Variants in NPTX2 observed in about 807,000 individuals in gnomAD.
NPTX2 encodes the protein neuronal pentraxin 2, also known as neuronal pentraxin-2.
Under a neutral mutation model 38.1 loss-of-function variants are expected in NPTX2, and 23 were observed. The observed-to-expected ratio is 0.60, with a 90% confidence interval of 0.43 to 0.85. The LOEUF (loss-of-function observed/expected upper bound fraction) is 0.85. NPTX2 is among the 40% of genes least tolerant of loss of function. The pLI, the probability that NPTX2 is intolerant of heterozygous loss-of-function variation, is 0.00. For missense variants in NPTX2, 553 were observed against 615.3 expected (o/e 0.90, Z 1.07); for synonymous variants, 291 against 287.3 (o/e 1.01, Z -0.13).
intron 2 of NPTX2, among the ~76,000 whole-genome samples, chr7:98,624,426 T>C (rs894447874): frequency 8.5e-5 from 13 of 152,186 alleles, no homozygotes; most frequent in Non-Finnish European, 1.5e-5. Context: ...TCAAGAGGCC[T>C]CTTTTCCTGT....
At position 98,617,332 on chromosome 7, in the gene NPTX2, T is replaced by A. The variant is rs953868980; in HGVS notation, c.-130T>A. On this transcript the variant is annotated 5_prime_UTR_variant, in exon 1 of 5. Transcript: ENST00000265634. ...GTGCGGCTGTGAGACGGCAGGAGAC[T>A]TCTGCCCCGCGGTGCACGCGACCCT... 4 of 291,692 alleles carry A rather than the reference T, an allele frequency of 1.4e-5. No homozygotes were observed. The highest frequency in any genetic ancestry group is 2.2e-5 in the African/African-American group (1 of 44,950). 18.1% of individuals were successfully genotyped at this position (291,692 alleles called of 1,614,324 possible).
Position 98,617,531 on chromosome 7 carries a change from G to C in NPTX2, c.70G>C (p.Gly24Arg), listed in dbSNP as rs1384180858. Residue 24 changes from glycine to arginine, a missense_variant, in exon 1 of 5, where the codon GGT becomes CGT. Physicochemically the swap from Gly to Arg is moderately radical, Grantham distance 125. Transcript: ENST00000265634. ...AAGAQDSPAP[G>R]SRFVCTALPP... ...TGGGGCCCAGGACAGCCCGGCGCCC[G>C]GTAGCCGCTTCGTGTGCACGGCACT... 4.9e-6 allele frequency: 7 copies of C among 1,415,862 alleles called. No homozygotes were observed. The highest frequency in any genetic ancestry group is 5.5e-6 in the Non-Finnish European group (6 of 1,088,082). The allele number at this position is 1,415,862 out of a possible 1,614,324, so 87.7% of individuals were successfully genotyped here. A position where few individuals can be genotyped will look rare whatever the true frequency, so the allele number is the denominator to read the frequency against.
At chr7:98,618,041 C>T (rs1316031104) in intron 1 of NPTX2, among the ~76,000 whole-genome samples, 154 bp downstream of exon 1, 1 of 152,176 alleles carries the variant, frequency 6.6e-6, no homozygotes, top group African/African-American at 2.4e-5. Flanking sequence ...AGGCGGGGAT[C>T]TAGATCCTGC....
At chr7:98,626,985 T>C (rs1161708811) in intron 3 of NPTX2, among the ~76,000 whole-genome samples, 180 bp from the exon 4 acceptor site, 1 of 152,190 alleles carries the variant, frequency 6.6e-6, no homozygotes, top group Non-Finnish European at 1.5e-5. Flanking sequence ...ATGTGAGGGC[T>C]GCTCTGGGGT....
chr7:98,624,090 G>A (rs949262015), intron 2 of NPTX2, among the ~76,000 whole-genome samples: 1 of 152,102 alleles, frequency 6.6e-6, no homozygotes, highest in African/African-American at 2.4e-5. Flanking sequence ...CTGAGTAGGT[G>A]GAACCACAGG....
At chr7:98,618,536 G>A (rs1423921414) in intron 1 of NPTX2, among the ~76,000 whole-genome samples, 1 of 147,132 alleles carries the variant, frequency 6.8e-6, no homozygotes, top group Admixed American at 6.7e-5. Flanking sequence ...TTGCTTCAGG[G>A]GAAGGGACCT....
chr7:98,625,279 A>T, intron 3 of NPTX2, 113 bp downstream of exon 3: 1 of 1,368,638 alleles, frequency 7.3e-7, no homozygotes, highest in Non-Finnish European at 9.9e-7. Context: ...AGTGTCCCAG[A>T]CATGGGACTG....
chr7:98,617,894 G>A lies in NPTX2; in HGVS notation c.426+7G>A, dbSNP rs1205614000. On this transcript the variant is annotated splice_region_variant and intron_variant, in intron 1 of 4. Transcript: ENST00000265634. ...CCGCCTGGAGAGCCTCGAGGTAGCG[G>A]CCCGCGGGGAGCGCGGGGGACCTGG... 6.5e-7 allele frequency: 1 copy of A among 1,548,082 alleles called. No individual in the cohort carries two copies. Among genetic ancestry groups the A allele is most frequent in the Admixed American group, 1.9e-5 (1 of 52,174 alleles).
rs772358770 is a variant in NPTX2, at chr7:98,625,081, TCTC to T, written c.806_808del (p.Ser269del). 1.9e-6 allele frequency: 3 copies of T among 1,612,896 alleles called. No homozygotes were observed. Among genetic ancestry groups the T allele is most frequent in the South Asian group, 1.1e-5 (1 of 91,080 alleles). ...GCCTCACCAGGCATTGGCACCCCCT[TCTC>T]CTATGCGGTGCCAGGGCAGGCCAAC... On this transcript the variant is annotated inframe_deletion, in exon 3 of 5. Coordinates refer to ENST00000265634, the MANE Select transcript of NPTX2 (RefSeq NM_002523.3).
Position 98,619,733 on chromosome 7 carries a change from C to G in NPTX2, c.517C>G (p.Leu173Val), listed in dbSNP as rs1440706929. The change falls in exon 2 of 5, where the codon CTT (leucine) becomes GTT (valine). Residue 173 changes from leucine (L) to valine (V), a missense_variant. Coordinates refer to ENST00000265634, the MANE Select transcript of NPTX2 (RefSeq NM_002523.3). ...QQRLGELERQ[L>V]LRKVAELEDE... The stretch of plus-strand genomic sequence containing the variant: ...GCGGCTGGGGGAGCTGGAGAGGCAG[C>G]TTCTGCGCAAGGTGGCAGAGCTGGA... 2 of 1,613,298 alleles carry G rather than the reference C, an allele frequency of 1.2e-6. No homozygotes were observed. The highest frequency in any genetic ancestry group is 2.2e-5 in the South Asian group (2 of 91,080).
intron 4 of NPTX2, among the ~76,000 whole-genome samples, chr7:98,627,663 A>T (rs1390009263): frequency 1.3e-5 from 2 of 152,178 alleles, no homozygotes; most frequent in African/African-American, 4.8e-5. Context: ...AGAACCTGGC[A>T]CAGAGGGGTG....
intron 4 of NPTX2, among the ~76,000 whole-genome samples, chr7:98,628,135 C>T (rs1166606599): frequency 1.3e-5 from 2 of 152,132 alleles, no homozygotes; most frequent in Non-Finnish European, 2.9e-5. Context: ...GGCTGGGAGT[C>T]ATGAGACCTG....
chr7:98,627,935 A>G (rs904092843), intron 4 of NPTX2, among the ~76,000 whole-genome samples: 10 of 152,136 alleles, frequency 6.6e-5, no homozygotes, highest in Non-Finnish European at 1.3e-4. Context: ...GAAACTTACC[A>G]TCTAGGGGAG....
Position 98,617,754 on chromosome 7 carries a change from C to T in NPTX2, c.293C>T (p.Ala98Val), listed in dbSNP as rs1209774043. 2 of 1,428,458 alleles carry T rather than the reference C, an allele frequency of 1.4e-6. No homozygotes were observed. Among genetic ancestry groups the T allele is most frequent in the South Asian group, 1.5e-5 (1 of 67,310 alleles). The allele number at this position is 1,428,458 out of a possible 1,614,324, so 88.5% of individuals were successfully genotyped here. A position where few individuals can be genotyped will look rare whatever the true frequency, so the allele number is the denominator to read the frequency against. Reference sequence around the variant, plus strand: ...AAGCTAGCGCGCTGCGAGGGGCTGGCGGGCGGCAAGGCGCGCGGCGCGGGG... The same window carrying T: ...AAGCTAGCGCGCTGCGAGGGGCTGGTGGGCGGCAAGGCGCGCGGCGCGGGG... The part of the protein sequence containing the change: ...TGKLARCEGL[A>V]GGKARGAGAT... Residue 98 changes from alanine (A) to valine (V), a missense_variant, in exon 1 of 5, where the codon GCG (alanine) becomes GTG (valine). Transcript: ENST00000265634.
chr7:98,619,721 C>T lies in NPTX2; in HGVS notation c.505C>T (p.Leu169=), dbSNP rs780390990. The T allele has an allele frequency of 1.2e-6, 2 of 1,613,150 alleles. No individual in the cohort carries two copies. Among genetic ancestry groups the T allele is most frequent in the African/African-American group, 2.7e-5 (2 of 74,938 alleles). ...REVLQQRLGE[L]ERQLLRKVAE... Reference sequence around the variant, plus strand: ...GGTGCTCCAGCAGCGGCTGGGGGAGCTGGAGAGGCAGCTTCTGCGCAAGGT... The same window carrying T: ...GGTGCTCCAGCAGCGGCTGGGGGAGTTGGAGAGGCAGCTTCTGCGCAAGGT... The change falls in exon 2 of 5, where the codon CTG becomes TTG. Residue 169 remains leucine (L), a synonymous_variant. Transcript: ENST00000265634.
rs902776022 is a variant in NPTX2, at chr7:98,617,869, C to T, written c.408C>T (p.Asp136=). The part of the protein sequence containing the change: ...QLSRSLQTLK[D]RLESLEHQLR... Reference sequence around the variant, plus strand: ...GCCGCTCGCTGCAGACCCTCAAGGACCGCCTGGAGAGCCTCGAGGTAGCGG... The same window carrying T: ...GCCGCTCGCTGCAGACCCTCAAGGATCGCCTGGAGAGCCTCGAGGTAGCGG... The change falls in exon 1 of 5, where the codon GAC becomes GAT. Residue 136 remains aspartate, a synonymous_variant. Transcript: ENST00000265634. The T allele has an allele frequency of 1.3e-6, 2 of 1,556,712 alleles. No homozygotes were observed. The highest frequency in any genetic ancestry group is 2.7e-5 in the African/African-American group (2 of 73,724).
chr7:98,624,973 G>A lies in NPTX2; in HGVS notation c.695G>A (p.Arg232His), dbSNP rs756274665. The A allele has an allele frequency of 2.0e-5, 32 of 1,613,784 alleles. No individual in the cohort carries two copies. The highest frequency in any genetic ancestry group is 1.6e-4 in the Middle Eastern group (1 of 6,062). Residue 232 changes from arginine to histidine, a missense_variant, in exon 3 of 5, where the codon CGC becomes CAC. Coordinates refer to ENST00000265634, the MANE Select transcript of NPTX2 (RefSeq NM_002523.3). The part of the protein sequence containing the change: ...PDAFKVSLPL[R>H]TNYLYGKIKK... ...GCGTTCAAGGTGTCCCTCCCACTCC[G>A]CACAAACTACCTATACGGCAAGATC...
At chr7:98,619,541 G>C in intron 1 of NPTX2, 102 bp from the exon 2 acceptor site, 3 of 975,592 alleles carry the variant, frequency 3.1e-6, no homozygotes, top group East Asian at 2.4e-5. Context: ...CAGGGCTTGC[G>C]TTTTGGAAGC....
At chr7:98,625,245 C>A in intron 3 of NPTX2, 79 bp downstream of exon 3, 1 of 1,503,264 alleles carries the variant, frequency 6.7e-7, no homozygotes, top group East Asian at 2.3e-5. Context: ...CCCAGCCGTC[C>A]TCGCCCTCCT....
Sources: allele counts gnomAD v4.1 joint callset (sites outside exome capture counted in the v4.1 genomes callset), GRCh38; gene constraint gnomAD v4.1.1; transcripts MANE v1.5; gene names NCBI Gene and HGNC (gene_info 2026-07-23, HGNC 2026-07-21).